Variants in SLC24A3 observed in about 807,000 individuals in gnomAD.
SLC24A3 encodes solute carrier family 24 member 3.
In SLC24A3, 28 loss-of-function variants were observed where a neutral mutation model predicts 75.8. The observed-to-expected ratio is 0.37, with a 90% CI of 0.27 to 0.51. SLC24A3 has a LOEUF of 0.51. SLC24A3 is among the 20% of genes least tolerant of loss of function. SLC24A3 has a pLI of 0.94. For missense variants in SLC24A3, 663 were observed against 847.8 expected (o/e 0.78, Z 2.71); for synonymous variants, 372 against 334.1 (o/e 1.11, Z -1.24).
intron 2 of SLC24A3, among the ~76,000 whole-genome samples, chr20:19,417,280 G>A (rs951298172): frequency 3.3e-5 from 5 of 152,166 alleles, no homozygotes; most frequent in Admixed American, 6.5e-5. Context: ...ATAGATTGGA[G>A]ACAACTATTG....
intron 1 of SLC24A3, among the ~76,000 whole-genome samples, chr20:19,259,681 A>G (rs1982922827): frequency 6.6e-6 from 1 of 152,170 alleles, no homozygotes; most frequent in Non-Finnish European, 1.5e-5. Context: ...ATCAATATTA[A>G]TGTACCACTG....
intron 15 of SLC24A3, among the ~76,000 whole-genome samples, chr20:19,703,823 GTTCCCAGA>G: frequency 6.6e-6 from 1 of 152,318 alleles, no homozygotes; most frequent in East Asian, 1.9e-4. Context: ...GGAAGCTGGG[GTTCCCAGA>G]AAATGGCACT....
intron 2 of SLC24A3, among the ~76,000 whole-genome samples, chr20:19,318,730 C>G (rs1984638724): frequency 6.6e-6 from 1 of 151,996 alleles, no homozygotes; most frequent in Admixed American, 6.5e-5. Context: ...TGGGAAAAGA[C>G]AGCACAAGGA....
At chr20:19,405,100 C>A (rs1236665282) in intron 2 of SLC24A3, among the ~76,000 whole-genome samples, 1 of 152,104 alleles carries the variant, frequency 6.6e-6, no homozygotes, top group Non-Finnish European at 1.5e-5. Flanking sequence ...AGACAGAAAT[C>A]ACATCTTTTC....
At chr20:19,456,204 A>G (rs1987575058) in intron 2 of SLC24A3, among the ~76,000 whole-genome samples, 1 of 152,190 alleles carries the variant, frequency 6.6e-6, no homozygotes, top group Admixed American at 6.5e-5. Context: ...ATGGCAAGAG[A>G]AAGACCTTTT....
intron 7 of SLC24A3, among the ~76,000 whole-genome samples, chr20:19,663,920 C>T (rs554197906): frequency 6.6e-6 from 1 of 152,156 alleles, no homozygotes; most frequent in Non-Finnish European, 1.5e-5. Flanking sequence ...GTACTTTCTT[C>T]CAGGGTGAGC....
intron 6 of SLC24A3, among the ~76,000 whole-genome samples, chr20:19,623,664 A>G (rs755757849): frequency 6.6e-6 from 1 of 152,238 alleles, no homozygotes; most frequent in Non-Finnish European, 1.5e-5. Context: ...AGTGGCTACC[A>G]TATTGGACAG....
intron 1 of SLC24A3, among the ~76,000 whole-genome samples, chr20:19,276,459 C>G (rs917533368): frequency 1.3e-5 from 2 of 152,188 alleles, no homozygotes; most frequent in Non-Finnish European, 2.9e-5. Context: ...TTACATAAAT[C>G]TGGATGGTAT....
chr20:19,410,808 G>A (rs933840909), intron 2 of SLC24A3, among the ~76,000 whole-genome samples: 5 of 152,240 alleles, frequency 3.3e-5, no homozygotes, highest in Admixed American at 2.6e-4. Flanking sequence ...CAATTCATTC[G>A]TTTTCTCTAC....
At chr20:19,598,530 G>T (rs1568668179) in intron 6 of SLC24A3, among the ~76,000 whole-genome samples, 1 of 152,116 alleles carries the variant, frequency 6.6e-6, no homozygotes, top group African/African-American at 2.4e-5. Context: ...GCATATACCT[G>T]AGTGCCATTG....
chr20:19,583,175 G>A (rs2031243017), intron 4 of SLC24A3, among the ~76,000 whole-genome samples: 1 of 152,100 alleles, frequency 6.6e-6, no homozygotes, highest in Non-Finnish European at 1.5e-5. Context: ...GCGGGGAATT[G>A]GCAAGTGCAG....
At chr20:19,701,341 C>T (rs181793758) in intron 15 of SLC24A3, among the ~76,000 whole-genome samples, 13 of 126,692 alleles carry the variant, frequency 1.0e-4, no homozygotes, top group Admixed American at 2.7e-4. Context: ...TGGTGCCCCC[C>T]GAAACATATT....
intron 2 of SLC24A3, among the ~76,000 whole-genome samples, chr20:19,512,676 C>A (rs542041686): frequency 2.0e-5 from 3 of 152,312 alleles, no homozygotes; most frequent in African/African-American, 7.2e-5. Context: ...GCCTCATGCA[C>A]GGGGCAGCAG....
chr20:19,469,392 T>C (rs1415752949), intron 2 of SLC24A3, among the ~76,000 whole-genome samples: 1 of 152,158 alleles, frequency 6.6e-6, no homozygotes, highest in African/African-American at 2.4e-5. Context: ...TTGGAGACAC[T>C]GTTTTAGTTA....
intron 6 of SLC24A3, among the ~76,000 whole-genome samples, chr20:19,602,368 G>C (rs1287044386): frequency 6.6e-6 from 1 of 152,074 alleles, no homozygotes; most frequent in Non-Finnish European, 1.5e-5. Flanking sequence ...GTGTCAATGG[G>C]TGGCTTGGGA....
chr20:19,425,660 A>G (rs951885617), intron 2 of SLC24A3, among the ~76,000 whole-genome samples: 7 of 152,124 alleles, frequency 4.6e-5, no homozygotes, highest in African/African-American at 1.7e-4. Flanking sequence ...ACTCTTCATA[A>G]TTAAGGGAGA....
chr20:19,392,525 G>A (rs1339471933), intron 2 of SLC24A3, among the ~76,000 whole-genome samples: 1 of 152,208 alleles, frequency 6.6e-6, no homozygotes, highest in African/African-American at 2.4e-5. Context: ...TTCTTCAGCT[G>A]TTTGTGGGAG....
At chr20:19,609,395 T>A (rs1257323397) in intron 6 of SLC24A3, among the ~76,000 whole-genome samples, 1 of 152,128 alleles carries the variant, frequency 6.6e-6, no homozygotes, top group African/African-American at 2.4e-5. Flanking sequence ...TTTTTATGTA[T>A]GTATTTATTT....
At chr20:19,477,313 G>A (rs958717228) in intron 2 of SLC24A3, among the ~76,000 whole-genome samples, 2 of 152,212 alleles carry the variant, frequency 1.3e-5, no homozygotes, top group African/African-American at 4.8e-5. Flanking sequence ...AAAGATTCCA[G>A]ATCCTCTGTT....
Sources: allele counts gnomAD v4.1 joint callset (sites outside exome capture counted in the v4.1 genomes callset), GRCh38; gene constraint gnomAD v4.1.1; transcripts MANE v1.5; gene names NCBI Gene and HGNC (gene_info 2026-07-23, HGNC 2026-07-21).